The following LPL variants were observed in gnomAD, a reference collection of about 807,000 sequenced individuals.
The protein encoded by LPL is lipoprotein lipase.
In LPL, 43 loss-of-function variants were observed where a neutral mutation model predicts 52.2. The observed-to-expected ratio is 0.82, with a 90% CI of 0.64 to 1.06. The LOEUF is 1.06. Ranked by LOEUF, LPL falls within the 50% of genes least tolerant of loss-of-function variation. LPL has a pLI of 0.00. For missense variants in LPL, 639 were observed against 585.3 expected (o/e 1.09, Z -0.95); for synonymous variants, 244 against 215.6 (o/e 1.13, Z -1.15).
At chr8:19,957,907 A>G (rs1240052748) in intron 6 of LPL, among the ~76,000 whole-genome samples, 2 of 152,152 alleles carry the variant, frequency 1.3e-5, no homozygotes, top group Non-Finnish European at 2.9e-5. Context: ...GAGAAAATAC[A>G]TTTAATAGAC....
chr8:19,963,534 CAT>C (rs1197021696), intron 9 of LPL, among the ~76,000 whole-genome samples: 5 of 151,276 alleles, frequency 3.3e-5, no homozygotes, highest in African/African-American at 1.2e-4. Context: ...AGATTTTATA[CAT>C]GTTTACTATA....
chr8:19,958,861 C>A (rs2128839108), intron 6 of LPL, among the ~76,000 whole-genome samples: 1 of 152,284 alleles, frequency 6.6e-6, no homozygotes, highest in East Asian at 1.9e-4. Context: ...AAGCAAATGT[C>A]AAATATGCTT....
chr8:19,965,295 T>G lies in LPL; in HGVS notation c.*-15T>G, dbSNP rs955336668. 2.6e-6 allele frequency: 2 copies of G among 780,826 alleles called. No homozygotes were observed. The highest frequency in any genetic ancestry group is 2.4e-6 in the Non-Finnish European group (1 of 418,002). The allele number at this position is 780,826 out of a possible 1,614,324, so 48.4% of individuals were successfully genotyped here. On this transcript the variant is annotated splice_polypyrimidine_tract_variant and intron_variant, in intron 9 of 9. Coordinates refer to ENST00000650287, the MANE Select transcript of LPL (RefSeq NM_000237.3). ...GAAGATAATAAATTGCCCTTTTTCC[T>G]GTGCTTTTTCTCAGAAACTGGGCGA... is the stretch of plus-strand genomic sequence containing the variant.
Position 19,952,936 on chromosome 8 carries a change from ATATGTG to A in LPL, c.430-370_430-365del, listed in dbSNP as rs1427685103. Among the ~76,000 whole-genome samples, 53 of 152,378 alleles carry A rather than the reference ATATGTG, an allele frequency of 3.5e-4. 2 individuals carry two copies. The East Asian group carries it at 9.3e-3, about 27-fold the overall frequency. ...TGCATATAAATGTATACGCATATGT[ATATGTG>A]TATATGTTTGTACGTATAGTATATG... On this transcript the variant is annotated intron_variant, in intron 3 of 9. Transcript: ENST00000650287.
chr8:19,962,574 A>C (rs1259369752), intron 9 of LPL, among the ~76,000 whole-genome samples: 1 of 152,050 alleles, frequency 6.6e-6, no homozygotes, highest in Non-Finnish European at 1.5e-5. Context: ...CATGTAACAC[A>C]AGTTTAGTAG....
chr8:19,946,605 A>T (rs1296149857), intron 1 of LPL: 1 of 274,144 alleles, frequency 3.6e-6, no homozygotes, highest in South Asian at 3.1e-5. Flanking sequence ...TAGATTAAGG[A>T]ATGAGAAGTA....
intron 5 of LPL, among the ~76,000 whole-genome samples, chr8:19,955,127 A>G (rs1218713767): frequency 6.6e-6 from 1 of 152,232 alleles, no homozygotes; most frequent in Non-Finnish European, 1.5e-5. Context: ...CGATTGTCCT[A>G]AAAACTTACA....
At chr8:19,955,610 C>T (rs1362027533) in intron 5 of LPL, among the ~76,000 whole-genome samples, 1 of 152,072 alleles carries the variant, frequency 6.6e-6, no homozygotes, top group East Asian at 1.9e-4. Context: ...ATAAGAAGCA[C>T]AAAAGTCAAA....
At chr8:19,951,550 G>A (rs954918943) in intron 2 of LPL, 25 of 624,216 alleles carry the variant, frequency 4.0e-5, no homozygotes, top group Middle Eastern at 4.5e-4. Context: ...CCAATCTGCC[G>A]TTCCTCAACT....
rs568818343 is a variant in LPL, at chr8:19,944,453, G to T, written c.89-3727G>T. On this transcript the variant is annotated intron_variant, in intron 1 of 9. Coordinates refer to ENST00000650287, the MANE Select transcript of LPL (RefSeq NM_000237.3). This position sits in a 1 kb window ranked among gnomAD's most constrained non-coding sequence, Gnocchi z 4.2. ...CCTGTAGGAGTGAGAGAAAAGGGGG[G>T]AGAGAGAGAGAAAGGGGTGGGGGGA... Among the ~76,000 whole-genome samples, 5 of 140,596 alleles carry T rather than the reference G, an allele frequency of 3.6e-5. No homozygotes were observed. Among genetic ancestry groups the T allele is most frequent in the Non-Finnish European group, 7.7e-5 (5 of 64,994 alleles). 92.2% of individuals were successfully genotyped at this position (140,596 alleles called of 152,430 possible). A position where few individuals can be genotyped will look rare whatever the true frequency, so the allele number is the denominator to read the frequency against.
At position 19,955,884 on chromosome 8, in the gene LPL, T is replaced by C. The variant is rs1477766735; in HGVS notation, c.819T>C (p.His273=). 1 of 1,614,058 alleles carries C rather than the reference T, an allele frequency of 6.2e-7. No individual in the cohort carries two copies. Among genetic ancestry groups the C allele is most frequent in the African/African-American group, 1.3e-5 (1 of 74,922 alleles). ...AGTGCTCCCACGAGCGCTCCATTCATCTCTTCATCGACTCTCTGTTGAATG... is the reference window on the plus strand; with the variant it reads ...AGTGCTCCCACGAGCGCTCCATTCACCTCTTCATCGACTCTCTGTTGAATG... ...LVKCSHERSI[H]LFIDSLLNEE... Residue 273 remains histidine (H), a synonymous_variant, in exon 6 of 10, where the codon CAT becomes CAC. Coordinates refer to ENST00000650287, the MANE Select transcript of LPL (RefSeq NM_000237.3).
chr8:19,961,565 C>T (rs1168855043), intron 8 of LPL, among the ~76,000 whole-genome samples: 1 of 152,094 alleles, frequency 6.6e-6, no homozygotes, highest in African/African-American at 2.4e-5. Context: ...GGATTTAAAG[C>T]TTTTATACTA....
In LPL at chr8:19,961,099, T is replaced by C. The variant is rs1472442845; in HGVS notation, c.1322+16T>C. On this transcript the variant is annotated intron_variant, in intron 8 of 9. Transcript: ENST00000650287. Reference sequence around the variant, plus strand: ...CTCAGAAAAAGTAATTAAATGTATTTTTCTTCCTTCACTTTAGACCCCCAC... The same window carrying C: ...CTCAGAAAAAGTAATTAAATGTATTCTTCTTCCTTCACTTTAGACCCCCAC... The C allele has an allele frequency of 1.9e-6, 3 of 1,612,564 alleles. No individual in the cohort carries two copies. The highest frequency in any genetic ancestry group is 2.2e-5 in the East Asian group (1 of 44,858).
chr8:19,959,549 C>T (rs751574942), intron 7 of LPL, among the ~76,000 whole-genome samples, 169 bp downstream of exon 7: 1 of 151,970 alleles, frequency 6.6e-6, no homozygotes, highest in Non-Finnish European at 1.5e-5. Flanking sequence ...GAAAAAAATG[C>T]TTCAAATTGG....
chr8:19,966,119 T>C lies in LPL; in HGVS notation c.*809T>C, dbSNP rs2070087028. On this transcript the variant is annotated 3_prime_UTR_variant, in exon 10 of 10. Transcript: ENST00000650287. ...CTCAGCTGACACATAATTTGAATGGTGCAGAAAAAAAAAAAGAAACCGTAA... is the reference window on the plus strand; with the variant it reads ...CTCAGCTGACACATAATTTGAATGGCGCAGAAAAAAAAAAAGAAACCGTAA... The C allele has an allele frequency of 6.6e-6, 1 of 151,360 alleles. No individual in the cohort carries two copies. Among genetic ancestry groups the C allele is most frequent in the African/African-American group, 2.4e-5 (1 of 41,232 alleles). 9.4% of individuals were successfully genotyped at this position (151,360 alleles called of 1,614,324 possible). A position where few individuals can be genotyped will look rare whatever the true frequency, so the allele number is the denominator to read the frequency against.
intron 1 of LPL, among the ~76,000 whole-genome samples, chr8:19,947,634 A>AAAAAC (rs573053801): frequency 5.3e-5 from 8 of 149,930 alleles, no homozygotes; most frequent in African/African-American, 2.0e-4. Context: ...CCCTGTCTCA[A>AAAAAC]AAAACAAAAC....
At position 19,959,410 on chromosome 8, in the gene LPL, G is replaced by A. The variant is rs770401438; in HGVS notation, c.1139+30G>A. 2.5e-6 allele frequency: 4 copies of A among 1,613,280 alleles called. No individual in the cohort carries two copies. In the Middle Eastern group the frequency reaches 6.6e-4, roughly 268 times the overall value. On this transcript the variant is annotated intron_variant, in intron 7 of 9. Coordinates refer to ENST00000650287, the MANE Select transcript of LPL (RefSeq NM_000237.3). ...GTAGCACAGGGGGGCGGTCATCATG[G>A]CACCAGTCCCTCTCCTGCCATAACC...
intron 8 of LPL, among the ~76,000 whole-genome samples, chr8:19,961,403 T>G (rs1487572369): frequency 3.3e-5 from 5 of 152,068 alleles, no homozygotes; most frequent in African/African-American, 1.2e-4. Flanking sequence ...AAGTACAAAA[T>G]AGTTAGGGAA....
intron 1 of LPL, among the ~76,000 whole-genome samples, chr8:19,941,470 A>G (rs2069838467): frequency 6.6e-6 from 1 of 152,174 alleles, no homozygotes; most frequent in Non-Finnish European, 1.5e-5. Context: ...CTCTGCAATG[A>G]GTTTGGATGA....
Sources: gnomAD v4.1 joint callset for allele counts (sites outside exome capture counted in the v4.1 genomes callset) on GRCh38, gnomAD v4.1.1 for gene constraint, Gnocchi (gnomAD v3.1) non-coding constraint, MANE v1.5 for transcripts, NCBI Gene and HGNC (gene_info 2026-07-23, HGNC 2026-07-21) for gene names.